Variants in ZHX2 observed in about 807,000 individuals in gnomAD.
ZHX2 encodes the protein zinc fingers and homeoboxes protein 2.
Under a neutral mutation model 21.9 loss-of-function variants are expected in ZHX2, and 6 were observed. The ratio of observed to expected loss-of-function variants is 0.27; its 90% CI spans 0.15 to 0.54. The LOEUF (loss-of-function observed/expected upper bound fraction) is 0.54, where lower values mean the gene tolerates loss of function less well. Ranked by LOEUF, ZHX2 falls within the 20% of genes least tolerant of loss-of-function variation. The pLI, the probability that ZHX2 is intolerant of heterozygous loss-of-function variation, is 0.95. For missense variants in ZHX2, 908 were observed against 1,090.7 expected (o/e 0.83, Z 2.36); for synonymous variants, 434 against 437.1 (o/e 0.99, Z 0.09).
At chr8:122,790,291 A>G (rs74449325) in intron 1 of ZHX2, among the ~76,000 whole-genome samples, 2,329 of 152,254 alleles carry the variant, frequency 0.015, 50 homozygotes, top group African/African-American at 0.053. Context: ...ATACAGTCCT[A>G]TGGCCATGTA....
intron 2 of ZHX2, among the ~76,000 whole-genome samples, chr8:122,936,558 G>A (rs1172328662): frequency 6.6e-6 from 1 of 152,234 alleles, no homozygotes; most frequent in Admixed American, 6.5e-5. Flanking sequence ...GTTTTAGAAA[G>A]GAATGGTGGC....
At chr8:122,790,766 C>A (rs1235593547) in intron 1 of ZHX2, among the ~76,000 whole-genome samples, 1 of 152,156 alleles carries the variant, frequency 6.6e-6, no homozygotes, top group African/African-American at 2.4e-5. Context: ...CGCCACCATG[C>A]CTGGCTAATT....
chr8:122,965,194 G>C (rs1813550888), intron 3 of ZHX2, among the ~76,000 whole-genome samples: 1 of 151,702 alleles, frequency 6.6e-6, no homozygotes, highest in Middle Eastern at 3.4e-3. Context: ...TGCTGGGTTT[G>C]GGTTTGGTTT....
intron 2 of ZHX2, among the ~76,000 whole-genome samples, chr8:122,883,838 A>G (rs893115385): frequency 1.3e-5 from 2 of 152,224 alleles, no homozygotes; most frequent in Non-Finnish European, 2.9e-5. Flanking sequence ...CCAGGTGTGG[A>G]CGGGTTTGGC....
At chr8:122,933,554 G>A (rs563225974) in intron 2 of ZHX2, among the ~76,000 whole-genome samples, 10 of 151,918 alleles carry the variant, frequency 6.6e-5, no homozygotes, top group African/African-American at 9.7e-5. Context: ...CTTTCCACAC[G>A]GAGAAAGAAT....
At position 122,877,531 on chromosome 8, in the gene ZHX2, C is replaced by T. The variant is rs76562976; in HGVS notation, c.-220+13992C>T. 8.0e-3 allele frequency among the ~76,000 whole-genome samples: 1,225 copies of T among 152,244 alleles called. 12 individuals carry two copies. Among genetic ancestry groups the T allele is most frequent in the African/African-American group, 0.021 (885 of 41,540 alleles). Reference sequence around the variant, plus strand: ...AGGAAACTGAGGCTCTGTGGGTTTGCGGAACTTGTCCTAGGTCCTGAGGCT... The same window carrying T: ...AGGAAACTGAGGCTCTGTGGGTTTGTGGAACTTGTCCTAGGTCCTGAGGCT... On this transcript the variant is annotated intron_variant, in intron 2 of 3. Coordinates refer to ENST00000314393, the MANE Select transcript of ZHX2 (RefSeq NM_014943.5).
chr8:122,792,170 A>G (rs201937095), intron 1 of ZHX2, among the ~76,000 whole-genome samples: 1 of 152,152 alleles, frequency 6.6e-6, no homozygotes, highest in East Asian at 1.9e-4. Context: ...CAAGCCCTAC[A>G]CAGCCACTAA....
At chr8:122,913,871 T>A (rs541854962) in intron 2 of ZHX2, among the ~76,000 whole-genome samples, 16 of 152,344 alleles carry the variant, frequency 1.1e-4, no homozygotes, top group Non-Finnish European at 2.4e-4. Context: ...GGGGGATGTG[T>A]ACCCATAGCC....
intron 1 of ZHX2, among the ~76,000 whole-genome samples, chr8:122,802,426 G>T (rs1249057501): frequency 6.6e-6 from 1 of 152,186 alleles, no homozygotes; most frequent in African/African-American, 2.4e-5. Context: ...CAGGTAGCAG[G>T]GTTCCTGCAG....
intron 1 of ZHX2, chr8:122,815,567 A>C (rs796633938): frequency 5.0e-5 from 8 of 158,962 alleles, no homozygotes; most frequent in African/African-American, 1.9e-4. Flanking sequence ...TTGAGATGGA[A>C]TCCACTCCTG....
chr8:122,824,399 A>G (rs1055771021), intron 1 of ZHX2, among the ~76,000 whole-genome samples: 1 of 152,180 alleles, frequency 6.6e-6, no homozygotes, highest in African/African-American at 2.4e-5. Flanking sequence ...TGCTGCATGG[A>G]GAGATATTGT....
chr8:122,928,415 G>C (rs1820905763), intron 2 of ZHX2, among the ~76,000 whole-genome samples: 1 of 152,186 alleles, frequency 6.6e-6, no homozygotes, highest in Non-Finnish European at 1.5e-5. Context: ...GGCTTAGGGG[G>C]CAGAATGTTC....
intron 2 of ZHX2, among the ~76,000 whole-genome samples, chr8:122,907,773 T>G (rs182788187): frequency 4.9e-4 from 74 of 152,268 alleles, no homozygotes; most frequent in African/African-American, 1.6e-3. Context: ...TTGTGAGGAT[T>G]AAATGAGATC....
chr8:122,824,967 C>T (rs552355910), intron 1 of ZHX2, among the ~76,000 whole-genome samples: 3 of 152,312 alleles, frequency 2.0e-5, no homozygotes, highest in Admixed American at 6.5e-5. Flanking sequence ...TTTCTCCAGC[C>T]GCATCATTCC....
intron 2 of ZHX2, among the ~76,000 whole-genome samples, chr8:122,923,940 G>A (rs947119863): frequency 6.6e-6 from 1 of 152,104 alleles, no homozygotes; most frequent in African/African-American, 2.4e-5. Flanking sequence ...AAAATATAAG[G>A]CATTTCCATC....
chr8:122,787,218 C>A (rs904441167), intron 1 of ZHX2, among the ~76,000 whole-genome samples: 1 of 152,106 alleles, frequency 6.6e-6, no homozygotes, highest in Non-Finnish European at 1.5e-5. Context: ...TGTCTTCTTG[C>A]TGATACCTCT....
chr8:122,834,556 T>C (rs1818455320), intron 1 of ZHX2, among the ~76,000 whole-genome samples: 1 of 152,256 alleles, frequency 6.6e-6, no homozygotes, highest in South Asian at 2.1e-4. Flanking sequence ...TTCGAAACTC[T>C]GCCTGTTTTT....
chr8:122,873,965 G>T lies in ZHX2; in HGVS notation c.-220+10426G>T, dbSNP rs150733123. Among the ~76,000 whole-genome samples the T allele has an allele frequency of 1.3e-3, 201 of 152,206 alleles. 1 individual carries two copies. The highest frequency in any genetic ancestry group is 4.1e-3 in the African/African-American group (170 of 41,526). ...TCATTGGCTTCCTACATCTTTAAAGGACTCTTATGATTACCTTGTGCCTAC... is the reference window on the plus strand; with the variant it reads ...TCATTGGCTTCCTACATCTTTAAAGTACTCTTATGATTACCTTGTGCCTAC... On this transcript the variant is annotated intron_variant, in intron 2 of 3. Coordinates refer to ENST00000314393, the MANE Select transcript of ZHX2 (RefSeq NM_014943.5).
intron 1 of ZHX2, among the ~76,000 whole-genome samples, chr8:122,793,732 G>A (rs184804617): frequency 2.0e-5 from 3 of 152,296 alleles, no homozygotes; most frequent in African/African-American, 7.2e-5. Flanking sequence ...TTCCAGTTTG[G>A]TCAAAGCCTA....
Sources: allele counts gnomAD v4.1 joint callset (sites outside exome capture counted in the v4.1 genomes callset), GRCh38; gene constraint gnomAD v4.1.1; transcripts MANE v1.5; gene names NCBI Gene and HGNC (gene_info 2026-07-23, HGNC 2026-07-21).